The following TENM2 variants were observed in gnomAD, a reference collection of about 807,000 sequenced individuals.
The protein encoded by TENM2 is teneurin transmembrane protein 2, also known as teneurin-2.
In TENM2, 52 loss-of-function variants were observed where a neutral mutation model predicts 245.2. The observed-to-expected ratio is 0.21, with a 90% CI of 0.17 to 0.27. The LOEUF is 0.27. Ranked by LOEUF, TENM2 falls within the 10% of genes least tolerant of loss-of-function variation. The pLI is 1.00. For missense variants in TENM2, 3,046 were observed against 3,666.8 expected (o/e 0.83, Z 4.37); for synonymous variants, 1,363 against 1,438.9 (o/e 0.95, Z 1.19).
At chr5:167,313,765 A>G (rs1466041812) in intron 1 of TENM2, among the ~76,000 whole-genome samples, 3 of 152,192 alleles carry the variant, frequency 2.0e-5, no homozygotes, top group South Asian at 2.1e-4. Flanking sequence ...TTGCTCTTCA[A>G]CTGACTTGGT....
At chr5:167,462,940 G>T (rs1384462435) in intron 2 of TENM2, among the ~76,000 whole-genome samples, 1 of 151,980 alleles carries the variant, frequency 6.6e-6, no homozygotes, top group Non-Finnish European at 1.5e-5. Context: ...GGGCACTGAA[G>T]TAAATGACAA....
chr5:167,593,128 A>C (rs930295389), intron 2 of TENM2, among the ~76,000 whole-genome samples: 1 of 152,228 alleles, frequency 6.6e-6, no homozygotes, highest in Non-Finnish European at 1.5e-5. Flanking sequence ...GGTCCTGCCC[A>C]TAGCTTCTGA....
chr5:167,074,386 C>T, the TENM2 span, among the ~76,000 whole-genome samples: 299 of 151,976 alleles, frequency 2.0e-3, 4 homozygotes, highest in African/African-American at 6.7e-3. Context: ...GAAGTAGAAA[C>T]GGTGGTAAGG....
chr5:167,385,133 A>T (rs1239000191), intron 2 of TENM2, among the ~76,000 whole-genome samples: 1 of 152,152 alleles, frequency 6.6e-6, no homozygotes, highest in Non-Finnish European at 1.5e-5. Flanking sequence ...AGAAGTCATA[A>T]TATTATTTTT....
chr5:168,226,075 T>C lies in TENM2; in HGVS notation c.5109-13T>C. The C allele has an allele frequency of 6.2e-7, 1 of 1,610,574 alleles. No individual in the cohort carries two copies. The highest frequency in any genetic ancestry group is 8.5e-7 in the Non-Finnish European group (1 of 1,178,720). On this transcript the variant is annotated splice_polypyrimidine_tract_variant and intron_variant, in intron 23 of 28. Coordinates refer to ENST00000518659, the Ensembl canonical transcript of TENM2. Reference sequence around the variant, plus strand: ...GCTAACCAGGGTTTATCTATCTATCTATCTCCCCCCAGCTATGACCACGAA... The same window carrying C: ...GCTAACCAGGGTTTATCTATCTATCCATCTCCCCCCAGCTATGACCACGAA...
At chr5:168,158,602 T>A (rs1281941256) in intron 12 of TENM2, among the ~76,000 whole-genome samples, 2 of 151,300 alleles carry the variant, frequency 1.3e-5, no homozygotes, top group Non-Finnish European at 2.9e-5. Flanking sequence ...TTGAGCAGCA[T>A]CCCTGGCCTC....
the TENM2 span, among the ~76,000 whole-genome samples, chr5:166,986,637 A>G: frequency 6.6e-6 from 1 of 152,188 alleles, no homozygotes; most frequent in Non-Finnish European, 1.5e-5. Context: ...AAAACAAACT[A>G]CTGTTGAACT....
At chr5:168,225,720 C>T (rs1191788581) in intron 23 of TENM2, among the ~76,000 whole-genome samples, 1 of 147,980 alleles carries the variant, frequency 6.8e-6, no homozygotes, top group African/African-American at 2.5e-5. Context: ...GAGATTGTGC[C>T]ACTGCACTCC....
At chr5:167,937,261 G>A (rs1778795475) in intron 3 of TENM2, among the ~76,000 whole-genome samples, 1 of 152,068 alleles carries the variant, frequency 6.6e-6, no homozygotes, top group African/African-American at 2.4e-5. Flanking sequence ...ACTATACTTT[G>A]TTTATTCAGT....
chr5:167,833,293 T>C (rs759811846), intron 2 of TENM2, among the ~76,000 whole-genome samples: 4 of 152,244 alleles, frequency 2.6e-5, no homozygotes, highest in Non-Finnish European at 5.9e-5. Flanking sequence ...CACTTTACTT[T>C]AGGAGTCAGT....
chr5:167,454,569 GTGTGTATGTGTGCACATGCA>G (rs1196549165), intron 2 of TENM2, among the ~76,000 whole-genome samples: 4 of 151,980 alleles, frequency 2.6e-5, no homozygotes, highest in African/African-American at 9.7e-5. Context: ...GTATTTCTTT[GTGTGTATGTGTGCACATGCA>G]TGTGTATGTG....
chr5:167,439,431 C>T (rs6887079), intron 2 of TENM2, among the ~76,000 whole-genome samples: 81,605 of 151,948 alleles, frequency 0.54, 22,211 homozygotes, highest in East Asian at 0.65. Flanking sequence ...CATCTCAAAT[C>T]GAATCCTGCC....
At chr5:167,373,328 C>T (rs891215192) in intron 1 of TENM2, among the ~76,000 whole-genome samples, 4 of 152,070 alleles carry the variant, frequency 2.6e-5, no homozygotes, top group Admixed American at 6.5e-5. Context: ...AAAATGATAT[C>T]GAGTATGTAG....
chr5:167,445,405 T>G (rs1271610584), intron 2 of TENM2, among the ~76,000 whole-genome samples: 3 of 144,902 alleles, frequency 2.1e-5, no homozygotes, highest in Non-Finnish European at 4.5e-5. Context: ...GCAGGTAGAT[T>G]GGAGATGAGT....
At chr5:167,196,648 G>T in the TENM2 span, among the ~76,000 whole-genome samples, 2 of 151,292 alleles carry the variant, frequency 1.3e-5, no homozygotes, top group East Asian at 3.9e-4. Context: ...ATATTCGTGG[G>T]TTTGCGTTTA....
chr5:167,110,105 T>C, the TENM2 span, among the ~76,000 whole-genome samples: 2 of 152,210 alleles, frequency 1.3e-5, no homozygotes, highest in African/African-American at 4.8e-5. Context: ...GGTGCAGGGG[T>C]GGGGAGGCCG....
intron 1 of TENM2, among the ~76,000 whole-genome samples, chr5:167,360,276 T>C (rs1433529620): frequency 2.6e-5 from 4 of 152,224 alleles, no homozygotes; most frequent in Non-Finnish European, 5.9e-5. Context: ...ATGTTAACTG[T>C]TTAATGTCTG....
intron 5 of TENM2, among the ~76,000 whole-genome samples, chr5:167,996,373 A>G (rs1178501422): frequency 6.6e-6 from 1 of 152,162 alleles, no homozygotes; most frequent in Non-Finnish European, 1.5e-5. Flanking sequence ...ATCCTGGAAT[A>G]AATTACTCTG....
At chr5:167,676,843 GT>G (rs1756364112) in intron 2 of TENM2, among the ~76,000 whole-genome samples, 1 of 152,102 alleles carries the variant, frequency 6.6e-6, no homozygotes, top group South Asian at 2.1e-4. Context: ...TGAAAACGTT[GT>G]GATTATACTG....
Sources: gnomAD v4.1 joint callset for allele counts (sites outside exome capture counted in the v4.1 genomes callset) on GRCh38, gnomAD v4.1.1 for gene constraint, MANE v1.5 for transcripts, NCBI Gene and HGNC (gene_info 2026-07-23, HGNC 2026-07-21) for gene names.